Variants in RFNG observed in about 807,000 individuals in gnomAD.
The protein encoded by RFNG is RFNG O-fucosylpeptide 3-beta-N-acetylglucosaminyltransferase.
In RFNG, 37 loss-of-function variants were observed where a neutral mutation model predicts 29.6. That is an observed-to-expected ratio of 1.25 (90% CI 0.96 to 1.65). The LOEUF (loss-of-function observed/expected upper bound fraction) is 1.65. Among genes scored for constraint, RFNG ranks in the 40% most tolerant of loss-of-function variants. RFNG has a pLI of 0.00. For missense variants in RFNG, 546 were observed against 457.0 expected, an observed-to-expected ratio of 1.19 and a Z score of -1.78; for synonymous variants, 276 against 197.3, an observed-to-expected ratio of 1.40 and a Z score of -3.34.
intron 6 of RFNG, 137 bp downstream of exon 6, chr17:82,049,540 T>A (rs1219072222): frequency 9.7e-7 from 1 of 1,035,948 alleles, no homozygotes; most frequent in East Asian, 2.6e-5. Context: ...AAGGGGCCTG[T>A]CCAGGGTCCA....
At position 82,050,665 on chromosome 17, in the gene RFNG, C is replaced by T. The variant is rs1169457660; in HGVS notation, c.416G>A (p.Arg139His). The T allele has an allele frequency of 3.7e-6, 6 of 1,613,072 alleles. No homozygotes were observed. The highest frequency in any genetic ancestry group is 1.1e-5 in the South Asian group (1 of 91,082). The change falls in exon 3 of 8, where the codon CGC becomes CAC. Residue 139 changes from arginine to histidine, a missense_variant. Coordinates refer to ENST00000310496, the MANE Select transcript of RFNG (RefSeq NM_002917.2). ...GGGTCGGGTCAGCGCCGCGTACTTG[C>T]GCCCGGACTCAATGAACTTGTCATA... The part of the protein sequence containing the change: ...VEYDKFIESG[R>H]KWFCHVDDDN...
Position 82,051,547 on chromosome 17 carries a change from G to T in RFNG, c.220C>A (p.Arg74Ser). 2 of 1,399,310 alleles carry T rather than the reference G, an allele frequency of 1.4e-6. No individual in the cohort carries two copies. Among genetic ancestry groups the T allele is most frequent in the East Asian group, 3.2e-5 (1 of 31,414 alleles). The allele number at this position is 1,399,310 out of a possible 1,614,324, so 86.7% of individuals were successfully genotyped here. Residue 74 changes from arginine (R) to serine (S), a missense_variant, in exon 1 of 8, where the codon CGC becomes AGC. By Grantham distance (110) the Arg-to-Ser change is moderately radical. Coordinates refer to ENST00000310496, the MANE Select transcript of RFNG (RefSeq NM_002917.2). The surrounding 1 kb of genome is among the most constrained non-coding windows in gnomAD (Gnocchi z 4.1). ...VKTTRKNHGP[R>S]LRLLLRTWIS... ...CAGGTGCGCAGCAGCAGCCGCAGGCGCGGCCCGTGGTTCTTCCGGGTGGTC... is the reference window on the plus strand; with the variant it reads ...CAGGTGCGCAGCAGCAGCCGCAGGCTCGGCCCGTGGTTCTTCCGGGTGGTC...
At chr17:82,050,960 C>T (rs748951522) in intron 2 of RFNG, 196 bp from the exon 3 acceptor site, 17 of 1,428,194 alleles carry the variant, frequency 1.2e-5, no homozygotes, top group Non-Finnish European at 1.5e-5. Flanking sequence ...AGCAGGCGGC[C>T]ATCGGTTGGG....
chr17:82,048,500 G>C lies in RFNG; in HGVS notation c.*226C>G. 2 of 567,028 alleles carry C rather than the reference G, an allele frequency of 3.5e-6. No individual in the cohort carries two copies. The highest frequency in any genetic ancestry group is 6.4e-6 in the Non-Finnish European group (2 of 314,908). 35.1% of individuals were successfully genotyped at this position (567,028 alleles called of 1,614,324 possible). A position where few individuals can be genotyped will look rare whatever the true frequency, so the allele number is the denominator to read the frequency against. On this transcript the variant is annotated 3_prime_UTR_variant, in exon 8 of 8. Coordinates refer to ENST00000310496, the MANE Select transcript of RFNG (RefSeq NM_002917.2). The stretch of plus-strand genomic sequence containing the variant: ...GCTGGGTCGGGGGGAGGGGCACTGC[G>C]GCCCTGGCCATCAGCCTGGCTGTCT...
chr17:82,048,849 G>A (rs369573534), intron 7 of RFNG, 42 bp from the exon 8 acceptor site: 4 of 1,562,512 alleles, frequency 2.6e-6, no homozygotes, highest in Non-Finnish European at 3.5e-6. Flanking sequence ...TGGGCGGAGA[G>A]AGAAGCGGGG....
intron 2 of RFNG, 162 bp from the exon 3 acceptor site, chr17:82,050,926 C>T (rs1252345373): frequency 1.1e-5 from 15 of 1,413,466 alleles, no homozygotes; most frequent in Non-Finnish European, 1.4e-5. Context: ...CACGCGCTGA[C>T]CCTGCTGGTG....
chr17:82,050,608 GC>G, intron 3 of RFNG, 53 bp from the exon 4 acceptor site: 2 of 1,607,938 alleles, frequency 1.2e-6, no homozygotes, highest in Non-Finnish European at 1.7e-6. Context: ...TGGACAGGAG[GC>G]CCCCACCCAG....
rs1598472660 is a variant in RFNG, at chr17:82,051,046, C to T, written c.316+248G>A. ...AAGGGCGGATTCCCTGCTGGCGCTT[C>T]TTCAGGGGACGTGGCACTAGCCCCA... On this transcript the variant is annotated intron_variant, in intron 2 of 7. Coordinates refer to ENST00000310496, the MANE Select transcript of RFNG (RefSeq NM_002917.2). This position sits in a 1 kb window ranked among gnomAD's most constrained non-coding sequence, Gnocchi z 4.1. 3 of 1,389,252 alleles carry T rather than the reference C, an allele frequency of 2.2e-6. No homozygotes were observed. The highest frequency in any genetic ancestry group is 2.6e-4 in the Middle Eastern group (1 of 3,774). The allele number at this position is 1,389,252 out of a possible 1,614,324, so 86.1% of individuals were successfully genotyped here. A position where few individuals can be genotyped will look rare whatever the true frequency, so the allele number is the denominator to read the frequency against.
Position 82,049,868 on chromosome 17 carries a change from T to G in RFNG, c.663-26A>C, listed in dbSNP as rs751630159. The G allele has an allele frequency of 1.4e-5, 23 of 1,611,422 alleles. No individual in the cohort carries two copies. In the South Asian group the frequency reaches 2.3e-4, roughly 16 times the overall value. On this transcript the variant is annotated intron_variant, in intron 5 of 7. Transcript: ENST00000310496. ...CTGGGGGGAGGCCGGTCAGCACCTT[T>G]CAGGTCTCAGCCTCCGCCTCCCAGC...
At position 82,049,734 on chromosome 17, in the gene RFNG, G is replaced by C. The variant is rs2144200150; in HGVS notation, c.771C>G (p.Leu257=). 6.6e-7 allele frequency: 1 copy of C among 1,517,154 alleles called. No individual in the cohort carries two copies. The allele number at this position is 1,517,154 out of a possible 1,614,324, so 94.0% of individuals were successfully genotyped here. A position where few individuals can be genotyped will look rare whatever the true frequency, so the allele number is the denominator to read the frequency against. ...GCAGGTTCTCCAGGTGAGAGTGGAA[G>C]AGGGGGCTGTGCAGCAGGCGGGCGC... The part of the protein sequence containing the change: ...LLGARLLHSP[L]FHSHLENLQR... The change falls in exon 6 of 8, where the codon CTC becomes CTG. Residue 257 remains leucine (L), a synonymous_variant. Transcript: ENST00000310496.
At chr17:82,049,582 C>T (rs1194902793) in intron 6 of RFNG, 95 bp downstream of exon 6, 2 of 1,400,210 alleles carry the variant, frequency 1.4e-6, no homozygotes, top group Non-Finnish European at 9.7e-7. Context: ...CACCTGCCTG[C>T]TCAGCCGGGC....
In RFNG at chr17:82,048,455, C is replaced by G; in HGVS notation, c.*271G>C. Reference sequence around the variant, plus strand: ...GCAAGTGCTGGGGTGGAAGCCTGTTCCCGTGGGATCAACCTTGGGGCTGGG... The same window carrying G: ...GCAAGTGCTGGGGTGGAAGCCTGTTGCCGTGGGATCAACCTTGGGGCTGGG... On this transcript the variant is annotated 3_prime_UTR_variant, in exon 8 of 8. Transcript: ENST00000310496. 1 of 505,584 alleles carries G rather than the reference C, an allele frequency of 2.0e-6. No individual in the cohort carries two copies. The highest frequency in any genetic ancestry group is 3.6e-6 in the Non-Finnish European group (1 of 276,266). 31.3% of individuals were successfully genotyped at this position (505,584 alleles called of 1,614,324 possible).
Position 82,051,262 on chromosome 17 carries a change from C to T in RFNG, c.316+32G>A, listed in dbSNP as rs779702801. On this transcript the variant is annotated intron_variant, in intron 2 of 7. Transcript: ENST00000310496. This position sits in a 1 kb window ranked among gnomAD's most constrained non-coding sequence, Gnocchi z 4.1. ...AGCGAGAAAGGCTCGGGGGGCAGAT[C>T]CCGCGGGCGCCGGGGAGTGGGGGAC... The T allele has an allele frequency of 1.2e-4, 158 of 1,346,726 alleles. No individual in the cohort carries two copies. In the Middle Eastern group the frequency reaches 1.3e-3, roughly 11 times the overall value. 83.4% of individuals were successfully genotyped at this position (1,346,726 alleles called of 1,614,324 possible).
chr17:82,051,036 G>A lies in RFNG; in HGVS notation c.316+258C>T. ...CCTGGCCTGGAAGGGCGGATTCCCTGCTGGCGCTTCTTCAGGGGACGTGGC... is the reference window on the plus strand; with the variant it reads ...CCTGGCCTGGAAGGGCGGATTCCCTACTGGCGCTTCTTCAGGGGACGTGGC... On this transcript the variant is annotated intron_variant, in intron 2 of 7. Coordinates refer to ENST00000310496, the MANE Select transcript of RFNG (RefSeq NM_002917.2). The surrounding 1 kb of genome is among the most constrained non-coding windows in gnomAD (Gnocchi z 4.1). The A allele has an allele frequency of 1.4e-6, 2 of 1,391,742 alleles. No homozygotes were observed. Among genetic ancestry groups the A allele is most frequent in the Non-Finnish European group, 1.9e-6 (2 of 1,078,352 alleles). The allele number at this position is 1,391,742 out of a possible 1,614,324, so 86.2% of individuals were successfully genotyped here.
Position 82,050,383 on chromosome 17 carries a change from C to T in RFNG, c.573+19G>A, listed in dbSNP as rs116699654. On this transcript the variant is annotated intron_variant, in intron 4 of 7. Transcript: ENST00000310496. ...TCAAGGAAGGCGTCTGCTCCGATGGCGTCTGCTCCGACACTCACAGTTCTG... is the reference window on the plus strand; with the variant it reads ...TCAAGGAAGGCGTCTGCTCCGATGGTGTCTGCTCCGACACTCACAGTTCTG... 1.3e-3 allele frequency: 1,943 copies of T among 1,551,786 alleles called. 26 individuals carry two copies. In the African/African-American group the frequency reaches 0.024, roughly 19 times the overall value.
Position 82,051,270 on chromosome 17 carries a change from C to T in RFNG, c.316+24G>A, listed in dbSNP as rs749044031. Reference sequence around the variant, plus strand: ...AGGCTCGGGGGGCAGATCCCGCGGGCGCCGGGGAGTGGGGGACACTCACCG... The same window carrying T: ...AGGCTCGGGGGGCAGATCCCGCGGGTGCCGGGGAGTGGGGGACACTCACCG... On this transcript the variant is annotated intron_variant, in intron 2 of 7. Transcript: ENST00000310496. The surrounding 1 kb of genome is among the most constrained non-coding windows in gnomAD (Gnocchi z 4.1). 7.4e-7 allele frequency: 1 copy of T among 1,346,698 alleles called. No individual in the cohort carries two copies. The highest frequency in any genetic ancestry group is 2.3e-5 in the South Asian group (1 of 43,300). The allele number at this position is 1,346,698 out of a possible 1,614,324, so 83.4% of individuals were successfully genotyped here. A position where few individuals can be genotyped will look rare whatever the true frequency, so the allele number is the denominator to read the frequency against.
rs779090661 is a variant in RFNG at position 82,049,998 on chromosome 17, C to T, written c.582G>A (p.Thr194=). 13 of 1,610,426 alleles carry T rather than the reference C, an allele frequency of 8.1e-6. No homozygotes were observed. The highest frequency in any genetic ancestry group is 3.3e-5 in the Admixed American group (2 of 59,772). ...ERVQGGRTVT[T]VKFWFATGGA... ...CACCAGTAGCAAACCAGAACTTGAC[C>T]GTGGTCACCTGAAGATGGGGTGGTG... The change falls in exon 5 of 8, where the codon ACG becomes ACA. Residue 194 remains threonine (T), a synonymous_variant. Coordinates refer to ENST00000310496, the MANE Select transcript of RFNG (RefSeq NM_002917.2).
chr17:82,050,030 G>T, intron 4 of RFNG, 24 bp from the exon 5 acceptor site: 1 of 1,578,230 alleles, frequency 6.3e-7, no homozygotes, highest in Non-Finnish European at 8.6e-7. Context: ...GGTGGTCAGA[G>T]CTGCCCAGGA....
intron 6 of RFNG, 37 bp downstream of exon 6, chr17:82,049,640 G>A (rs776868305): frequency 4.7e-5 from 69 of 1,459,684 alleles, no homozygotes; most frequent in Non-Finnish European, 6.1e-5. Flanking sequence ...GCGGGGCAAA[G>A]CCCAGGTGGC....
Sources: gnomAD v4.1 joint callset for allele counts on GRCh38, gnomAD v4.1.1 for gene constraint, Gnocchi (gnomAD v3.1) non-coding constraint, MANE v1.5 for transcripts, NCBI Gene and HGNC (gene_info 2026-07-23, HGNC 2026-07-21) for gene names.